The following LPP variants were observed in gnomAD, a reference collection of about 807,000 sequenced individuals.
The protein encoded by LPP is lipoma-preferred partner.
LPP carries 38 observed loss-of-function variants against 60.4 expected under a neutral mutation model. The ratio of observed to expected loss-of-function variants is 0.63; its 90% CI spans 0.49 to 0.83. LPP has a LOEUF of 0.83. Among genes scored for constraint, LPP ranks in the 40% least tolerant of loss-of-function variants. LPP has a pLI of 0.00. For synonymous variants in LPP, 328 were observed against 290.8 expected, an observed-to-expected ratio of 1.13 and a Z score of -1.30; for missense variants, 902 against 783.6, an observed-to-expected ratio of 1.15 and a Z score of -1.80.
intron 7 of LPP, among the ~76,000 whole-genome samples, chr3:188,640,040 A>C (rs899299676): frequency 6.6e-6 from 1 of 151,988 alleles, no homozygotes; most frequent in Non-Finnish European, 1.5e-5. Flanking sequence ...AGGACTACAA[A>C]TCATGCTGCT....
intron 9 of LPP, among the ~76,000 whole-genome samples, chr3:188,823,476 G>C (rs1398521323): frequency 6.6e-6 from 1 of 152,064 alleles, no homozygotes; most frequent in Non-Finnish European, 1.5e-5. Flanking sequence ...CACAGACTTG[G>C]GGGGAGCAGA....
intron 7 of LPP, among the ~76,000 whole-genome samples, chr3:188,704,551 C>G (rs111314739): frequency 6.6e-6 from 1 of 152,122 alleles, no homozygotes; most frequent in Non-Finnish European, 1.5e-5. Context: ...GATAAACTCA[C>G]CATCTCATTT....
At chr3:188,702,315 C>T (rs1023027846) in intron 7 of LPP, among the ~76,000 whole-genome samples, 2 of 151,620 alleles carry the variant, frequency 1.3e-5, no homozygotes, top group South Asian at 2.1e-4. Context: ...TAACTTTCTT[C>T]CTTCTTTCTT....
chr3:188,590,383 G>A lies in LPP; in HGVS notation c.430-18778G>A, dbSNP rs188707951. On this transcript the variant is annotated intron_variant, in intron 6 of 11. Transcript: ENST00000617246. The stretch of plus-strand genomic sequence containing the variant: ...AGGTCAGGAGTTTGCGACCAGCCTG[G>A]CCAACATGGTGAAACCCTGCCTCTA... 4.3e-3 allele frequency among the ~76,000 whole-genome samples: 653 copies of A among 152,220 alleles called. 4 individuals are homozygous for A. The highest frequency in any genetic ancestry group is 0.014 in the African/African-American group (601 of 41,532).
At chr3:188,546,763 T>C (rs1826766379) in intron 6 of LPP, among the ~76,000 whole-genome samples, 1 of 152,180 alleles carries the variant, frequency 6.6e-6, no homozygotes, top group Non-Finnish European at 1.5e-5. Context: ...CTCTTCCATA[T>C]TGGGATGTTT....
chr3:188,173,288 G>A (rs533622978), intron 1 of LPP, among the ~76,000 whole-genome samples: 231 of 152,278 alleles, frequency 1.5e-3, no homozygotes, highest in African/African-American at 5.3e-3. Context: ...ATCACCTGAG[G>A]TCAGGAGTTC....
chr3:188,517,854 A>G (rs373531353), intron 5 of LPP, among the ~76,000 whole-genome samples: 17 of 152,084 alleles, frequency 1.1e-4, no homozygotes, highest in African/African-American at 4.1e-4. Context: ...TGAGATTTGG[A>G]TAGGGACACA....
intron 3 of LPP, among the ~76,000 whole-genome samples, chr3:188,384,433 C>T (rs983101122): frequency 6.6e-6 from 1 of 151,600 alleles, no homozygotes; most frequent in Admixed American, 6.6e-5. Flanking sequence ...GATGGGCAAC[C>T]CTGATGATCC....
intron 2 of LPP, among the ~76,000 whole-genome samples, chr3:188,289,391 A>G (rs575025539): frequency 6.6e-6 from 1 of 152,344 alleles, no homozygotes; most frequent in East Asian, 1.9e-4. Context: ...CTTATGTTAC[A>G]TCATTGAAAT....
intron 9 of LPP, among the ~76,000 whole-genome samples, chr3:188,810,617 A>C (rs1560235883): frequency 6.6e-6 from 1 of 152,174 alleles, no homozygotes; most frequent in Non-Finnish European, 1.5e-5. Flanking sequence ...ATGTATGTAT[A>C]GGAAAAAACA....
chr3:188,484,581 C>T lies in LPP; in HGVS notation c.194-11C>T, dbSNP rs201326475. 6.3e-7 allele frequency: 1 copy of T among 1,578,036 alleles called. No homozygotes were observed. Among genetic ancestry groups the T allele is most frequent in the South Asian group, 1.1e-5 (1 of 90,152 alleles). ...CTTATTAACTTCATGTTGTTTACTT[C>T]TTTTCTGTAGGTGATTTTCTTCCAC... On this transcript the variant is annotated splice_polypyrimidine_tract_variant and intron_variant, in intron 4 of 11. Coordinates refer to ENST00000617246, the MANE Select transcript of LPP (RefSeq NM_001375462.1).
At chr3:188,808,236 ACTT>A (rs1486174346) in intron 9 of LPP, among the ~76,000 whole-genome samples, 2 of 151,938 alleles carry the variant, frequency 1.3e-5, no homozygotes, top group Non-Finnish European at 2.9e-5. Context: ...CACAGAGACA[ACTT>A]CTTTTTTTGT....
chr3:188,470,809 C>T (rs915021605), intron 4 of LPP, among the ~76,000 whole-genome samples: 1 of 151,988 alleles, frequency 6.6e-6, no homozygotes, highest in Non-Finnish European at 1.5e-5. Context: ...GGCAGATTAC[C>T]GGGTATGTGG....
Position 188,407,780 on chromosome 3 carries a change from G to GT in LPP, c.193+1470dup, listed in dbSNP as rs1268002703. 4.2e-3 allele frequency among the ~76,000 whole-genome samples: 398 copies of GT among 94,866 alleles called. 13 individuals carry two copies. Among genetic ancestry groups the GT allele is most frequent in the Middle Eastern group, 7.7e-3 (1 of 130 alleles). The allele number at this position is 94,866 out of a possible 152,430, so 62.2% of individuals were successfully genotyped here. A position where few individuals can be genotyped will look rare whatever the true frequency, so the allele number is the denominator to read the frequency against. ...TTCCTCATTTATGGTTTTTTTTTTTGTTTGTTTGTTTTTTTTTTTTTTTTT... is the reference window on the plus strand; with the variant it reads ...TTCCTCATTTATGGTTTTTTTTTTTGTTTTGTTTGTTTTTTTTTTTTTTTTT... On this transcript the variant is annotated intron_variant, in intron 4 of 11. Transcript: ENST00000617246.
intron 2 of LPP, among the ~76,000 whole-genome samples, chr3:188,321,472 T>C (rs1756942446): frequency 6.6e-6 from 1 of 152,258 alleles, no homozygotes; most frequent in African/African-American, 2.4e-5. Flanking sequence ...TCAGAGTCAA[T>C]TGACCTTGTG....
intron 3 of LPP, among the ~76,000 whole-genome samples, chr3:188,363,905 CAAA>C (rs541715135): frequency 1.4e-3 from 132 of 96,900 alleles, no homozygotes; most frequent in South Asian, 4.2e-3. Context: ...AACTCCCTCC[CAAA>C]AAAAAAAAAA....
intron 9 of LPP, among the ~76,000 whole-genome samples, chr3:188,808,654 T>C (rs1749931664): frequency 6.6e-6 from 1 of 152,176 alleles, no homozygotes; most frequent in Non-Finnish European, 1.5e-5. Flanking sequence ...TTATCAGTAC[T>C]CTTTTTTGCT....
intron 4 of LPP, among the ~76,000 whole-genome samples, chr3:188,462,608 G>A (rs1799386630): frequency 7.9e-6 from 1 of 127,260 alleles, no homozygotes; most frequent in Non-Finnish European, 1.8e-5. Flanking sequence ...GTGTGTGTGT[G>A]TGTGTGTGTG....
At chr3:188,807,247 G>A (rs556656609) in intron 9 of LPP, among the ~76,000 whole-genome samples, 4 of 151,796 alleles carry the variant, frequency 2.6e-5, no homozygotes, top group Non-Finnish European at 5.9e-5. Context: ...TTTGTTTTCT[G>A]ACTGATCTCA....
Sources: allele counts gnomAD v4.1 joint callset (sites outside exome capture counted in the v4.1 genomes callset), GRCh38; gene constraint gnomAD v4.1.1; transcripts MANE v1.5; gene names NCBI Gene and HGNC (gene_info 2026-07-23, HGNC 2026-07-21).